Variants in PGLYRP3 observed in about 807,000 individuals in gnomAD.
PGLYRP3 encodes the protein peptidoglycan recognition protein I alpha.
Under a neutral mutation model 36.0 loss-of-function variants are expected in PGLYRP3, and 39 were observed. That is an observed-to-expected ratio of 1.08 (90% CI 0.84 to 1.41). PGLYRP3 has a LOEUF of 1.41. PGLYRP3 is among the 40% of genes most tolerant of loss of function. PGLYRP3 has a pLI of 0.00. For synonymous variants in PGLYRP3, 204 were observed against 172.8 expected (o/e 1.18, Z -1.42); for missense variants, 407 against 427.9 (o/e 0.95, Z 0.43).
chr1:153,312,275 A>T (rs1187605260), intron 1 of PGLYRP3, among the ~76,000 whole-genome samples: 2 of 152,194 alleles, frequency 1.3e-5, no homozygotes, highest in Admixed American at 6.5e-5. Flanking sequence ...AGAGCCAAGG[A>T]TTTACCACCT....
intron 2 of PGLYRP3, among the ~76,000 whole-genome samples, chr1:153,309,915 C>A (rs1022568680): frequency 2.6e-5 from 4 of 152,254 alleles, no homozygotes; most frequent in Admixed American, 2.0e-4. Context: ...CTGTGAGTTT[C>A]TCTAACACTA....
chr1:153,310,379 A>G (rs1659865066), intron 2 of PGLYRP3, among the ~76,000 whole-genome samples: 1 of 152,250 alleles, frequency 6.6e-6, no homozygotes, highest in South Asian at 2.1e-4. Flanking sequence ...TTATCCTTTC[A>G]TCATGGGAGC....
At position 153,297,225 on chromosome 1, in the gene PGLYRP3, C is replaced by G. The variant is rs959700566; in HGVS notation, c.*731G>C. 2.6e-5 allele frequency among the ~76,000 whole-genome samples: 4 copies of G among 152,102 alleles called. No homozygotes were observed. Among genetic ancestry groups the G allele is most frequent in the African/African-American group, 9.7e-5 (4 of 41,406 alleles). On this transcript the variant is annotated 3_prime_UTR_variant, in exon 8 of 8. Transcript: ENST00000683862. ...TAGAGATGAATAAAATAGAATTCCT[C>G]CCTTGGAGAAACTTACAACCCAGAG...
rs897259237 is a variant in PGLYRP3, at chr1:153,312,659, G to A, written c.-58C>T. On this transcript the variant is annotated 5_prime_UTR_variant, in exon 1 of 8. Transcript: ENST00000683862. Reference sequence around the variant, plus strand: ...CACAGATACCTGTGGGTTCTGTGCTGTTCCAGCCCAGCAGGTCAGGGTGCA... The same window carrying A: ...CACAGATACCTGTGGGTTCTGTGCTATTCCAGCCCAGCAGGTCAGGGTGCA... Among the ~76,000 whole-genome samples, 3 of 151,804 alleles carry A rather than the reference G, an allele frequency of 2.0e-5. No individual in the cohort carries two copies. Among genetic ancestry groups the A allele is most frequent in the Non-Finnish European group, 4.4e-5 (3 of 67,958 alleles).
At chr1:153,309,639 C>A (rs1344836643) in intron 2 of PGLYRP3, among the ~76,000 whole-genome samples, 1 of 152,180 alleles carries the variant, frequency 6.6e-6, no homozygotes, top group Non-Finnish European at 1.5e-5. Flanking sequence ...GGACAGGAGC[C>A]CACCTCAGCA....
intron 1 of PGLYRP3, among the ~76,000 whole-genome samples, chr1:153,312,102 A>G (rs943808301): frequency 2.0e-5 from 3 of 152,208 alleles, no homozygotes; most frequent in Non-Finnish European, 4.4e-5. Flanking sequence ...CTGTGCTTCC[A>G]CAACCATGAA....
chr1:153,312,360 G>A (rs1395319416), intron 1 of PGLYRP3, among the ~76,000 whole-genome samples: 2 of 152,142 alleles, frequency 1.3e-5, no homozygotes, highest in African/African-American at 4.8e-5. Flanking sequence ...TAATAGATAA[G>A]AATTTAGGGC....
intron 2 of PGLYRP3, among the ~76,000 whole-genome samples, chr1:153,309,287 G>A (rs922461404): frequency 3.9e-5 from 6 of 152,176 alleles, no homozygotes; most frequent in African/African-American, 9.7e-5. Flanking sequence ...ACAACTTCAT[G>A]AGTTAAGCAA....
At chr1:153,310,769 T>C in intron 1 of PGLYRP3, 63 bp from the exon 2 acceptor site, 1 of 1,021,448 alleles carries the variant, frequency 9.8e-7, no homozygotes, top group Non-Finnish European at 1.5e-6. Flanking sequence ...ACCCACCTAC[T>C]ATGTGGCACC....
chr1:153,303,949 T>G lies in PGLYRP3; in HGVS notation c.437A>C (p.Gln146Pro), dbSNP rs150577059. The G allele has an allele frequency of 2.2e-5, 35 of 1,614,110 alleles. No homozygotes were observed. In the African/African-American group the frequency reaches 4.1e-4, roughly 19 times the overall value. Residue 146 changes from glutamine (Q) to proline (P), a missense_variant, in exon 5 of 8, where the codon CAG becomes CCG. Transcript: ENST00000683862. ...AAEGLISYAIQKGHLSPRYIQ... is the reference protein window; with the variant it reads ...AAEGLISYAIPKGHLSPRYIQ... ...ATACCTGGGCGACAGGTGACCCTTC[T>G]GGATGGCATAGGAGATCAGACCCTC... is the stretch of plus-strand genomic sequence containing the variant.
chr1:153,304,557 A>T (rs1238368271), intron 4 of PGLYRP3, among the ~76,000 whole-genome samples: 1 of 151,778 alleles, frequency 6.6e-6, no homozygotes, highest in African/African-American at 2.4e-5. Flanking sequence ...CCTGCAAATT[A>T]TACCTCCAGA....
intron 3 of PGLYRP3, among the ~76,000 whole-genome samples, chr1:153,305,783 G>A (rs981524389): frequency 2.6e-5 from 4 of 152,212 alleles, no homozygotes; most frequent in Admixed American, 6.5e-5. Flanking sequence ...ACCCTACACC[G>A]ATGTCGACAT....
At chr1:153,299,893 C>G (rs1659543277) in intron 6 of PGLYRP3, among the ~76,000 whole-genome samples, 1 of 152,214 alleles carries the variant, frequency 6.6e-6, no homozygotes. Context: ...CTAAATTCCT[C>G]CACTTCTTTC....
intron 3 of PGLYRP3, 122 bp from the exon 4 acceptor site, chr1:153,305,187 C>T: frequency 1.5e-6 from 1 of 658,060 alleles, no homozygotes; most frequent in Middle Eastern, 2.7e-4. Context: ...AATAACAAAA[C>T]AATAGGAGGT....
In PGLYRP3 at chr1:153,298,113, G is replaced by A. The variant is rs199849093; in HGVS notation, c.869C>T (p.Ala290Val). 93 of 1,613,532 alleles carry A rather than the reference G, an allele frequency of 5.8e-5. No individual in the cohort carries two copies. Among genetic ancestry groups the A allele is most frequent in the East Asian group, 2.0e-4 (9 of 44,856 alleles). The change falls in exon 8 of 8, where the codon GCG becomes GTG. Residue 290 changes from alanine (A) to valine (V), a missense_variant. Coordinates refer to ENST00000683862, the MANE Select transcript of PGLYRP3 (RefSeq NM_052891.3). ...GATCAGGTCCTGGGCCGCCTCCAGC[G>A]CTGCAGCATTTGGAGGCTTTTCTGC... ...YFVEKPPNAA[A>V]LEAAQDLIQC...
intron 2 of PGLYRP3, among the ~76,000 whole-genome samples, chr1:153,309,741 C>T (rs896073208): frequency 6.6e-6 from 1 of 152,162 alleles, no homozygotes; most frequent in African/African-American, 2.4e-5. Context: ...AAATGAAACC[C>T]ACAGGACTCT....
chr1:153,300,375 C>T (rs1173206483), intron 6 of PGLYRP3, among the ~76,000 whole-genome samples: 1 of 152,220 alleles, frequency 6.6e-6, no homozygotes, highest in Non-Finnish European at 1.5e-5. Context: ...ATACATTATC[C>T]TGTTCTGCAT....
At chr1:153,306,691 G>C (rs775118845) in intron 3 of PGLYRP3, among the ~76,000 whole-genome samples, 7 of 152,188 alleles carry the variant, frequency 4.6e-5, no homozygotes, top group Non-Finnish European at 1.0e-4. Flanking sequence ...TGTGAAATAA[G>C]GGTAGGAATA....
chr1:153,306,625 G>A (rs1454442506), intron 3 of PGLYRP3, among the ~76,000 whole-genome samples: 3 of 152,184 alleles, frequency 2.0e-5, no homozygotes, highest in East Asian at 1.9e-4. Flanking sequence ...CTCTGGGTAC[G>A]TGCTTCCTCT....
Sources: allele counts gnomAD v4.1 joint callset (sites outside exome capture counted in the v4.1 genomes callset), GRCh38; gene constraint gnomAD v4.1.1; transcripts MANE v1.5; gene names NCBI Gene and HGNC (gene_info 2026-07-23, HGNC 2026-07-21).